MTUS2: variants seen among roughly 807,000 people sequenced by gnomAD.
MTUS2 encodes microtubule associated scaffold protein 2.
In MTUS2, 40 loss-of-function variants were observed where a neutral mutation model predicts 114.1. That is an observed-to-expected ratio of 0.35 (90% CI 0.27 to 0.46). The LOEUF is 0.46. Among genes scored for constraint, MTUS2 ranks in the 20% least tolerant of loss-of-function variants. The pLI, the probability that MTUS2 is intolerant of heterozygous loss-of-function variation, is 1.00. For missense variants in MTUS2, 1,679 were observed against 1,705.4 expected (o/e 0.98, Z 0.27); for synonymous variants, 688 against 672.0 (o/e 1.02, Z -0.37).
intron 2 of MTUS2, among the ~76,000 whole-genome samples, chr13:28,858,387 A>G (rs575862467): frequency 1.3e-3 from 192 of 152,314 alleles, no homozygotes; most frequent in Non-Finnish European, 9.4e-4. Flanking sequence ...ATAGCAATTA[A>G]TAGTTGGCTG....
intron 2 of MTUS2, among the ~76,000 whole-genome samples, chr13:28,852,167 G>A (rs1161469): frequency 0.64 from 97,848 of 151,904 alleles, 34,758 homozygotes; most frequent in Non-Finnish European, 0.78. Context: ...TCAAATGTCC[G>A]TCCTCAGAGG....
intron 8 of MTUS2, among the ~76,000 whole-genome samples, chr13:29,417,092 T>C (rs1875725592): frequency 6.6e-6 from 1 of 152,252 alleles, no homozygotes. Flanking sequence ...TGTGCAAGCA[T>C]GGCACCTGCA....
chr13:28,830,320 C>T (rs1341141360), intron 1 of MTUS2, among the ~76,000 whole-genome samples: 2 of 152,020 alleles, frequency 1.3e-5, no homozygotes, highest in Non-Finnish European at 2.9e-5. Context: ...AGTCCAGATA[C>T]TGGACTTAGT....
intron 9 of MTUS2, among the ~76,000 whole-genome samples, chr13:29,454,669 A>G (rs556968554): frequency 6.6e-6 from 1 of 152,218 alleles, no homozygotes; most frequent in Non-Finnish European, 1.5e-5. Context: ...GATCAATTTT[A>G]GAAAGCCAAA....
rs376762907 is a variant in MTUS2 at position 28,995,636 on chromosome 13, C to G, written c.-242-28821C>G. 1.3e-3 allele frequency among the ~76,000 whole-genome samples: 197 copies of G among 152,108 alleles called. No homozygotes were observed. In the East Asian group the frequency reaches 0.014, roughly 10 times the overall value. On this transcript the variant is annotated intron_variant, in intron 2 of 15. Coordinates refer to ENST00000612955, the MANE Select transcript of MTUS2 (RefSeq NM_001033602.4). The stretch of plus-strand genomic sequence containing the variant: ...TTCACATCCCTTGTAAGTTGGATTC[C>G]TAGGTATTTTATTCTCTTTGAAGCA...
At chr13:29,484,258 A>G (rs1023818022) in intron 10 of MTUS2, 1 of 152,294 alleles carries the variant, frequency 6.6e-6, no homozygotes, top group African/African-American at 2.4e-5. Context: ...GATTAATCCA[A>G]ATTCACAGAG....
intron 5 of MTUS2, among the ~76,000 whole-genome samples, chr13:29,168,910 G>T (rs1245840619): frequency 1.3e-5 from 2 of 151,858 alleles, no homozygotes; most frequent in African/African-American, 4.8e-5. Flanking sequence ...GTGTGTGTGT[G>T]TGTGTGTGAA....
rs539273465 is a variant in MTUS2, at chr13:29,204,118, C to A, written c.2645-77586C>A. Among the ~76,000 whole-genome samples the A allele has an allele frequency of 1.1e-4, 17 of 152,188 alleles. No homozygotes were observed. The South Asian group carries it at 3.5e-3, about 32-fold the overall frequency. On this transcript the variant is annotated intron_variant, in intron 5 of 15. Coordinates refer to ENST00000612955, the MANE Select transcript of MTUS2 (RefSeq NM_001033602.4). The stretch of plus-strand genomic sequence containing the variant: ...GGGACTACAGGTGCCCGCCACCACG[C>A]CTGGCTACTTTTTGTATTTTTAGTA...
At chr13:29,068,369 A>C (rs1252455006) in intron 4 of MTUS2, among the ~76,000 whole-genome samples, 2 of 152,058 alleles carry the variant, frequency 1.3e-5, no homozygotes, top group African/African-American at 4.8e-5. Context: ...TAAAAATCCA[A>C]GTTTCCTCCG....
intron 6 of MTUS2, among the ~76,000 whole-genome samples, chr13:29,321,149 CAGTGTACATA>C (rs141413431): frequency 0.054 from 8,219 of 152,186 alleles, 744 homozygotes; most frequent in African/African-American, 0.19. Context: ...ATGTGGTCAT[CAGTGTACATA>C]AGTTGGTGAT....
intron 2 of MTUS2, among the ~76,000 whole-genome samples, chr13:28,982,826 T>G (rs1311014674): frequency 6.6e-6 from 1 of 151,880 alleles, no homozygotes; most frequent in African/African-American, 2.4e-5. Context: ...GCACCTAGGG[T>G]GGTGAAATTC....
chr13:29,201,830 C>T (rs1351467936), intron 5 of MTUS2, among the ~76,000 whole-genome samples: 2 of 152,162 alleles, frequency 1.3e-5, no homozygotes, highest in South Asian at 4.1e-4. Context: ...TGAATATTGG[C>T]CCCCACTCTC....
chr13:28,860,347 A>G lies in MTUS2; in HGVS notation c.-243+20497A>G, dbSNP rs552866198. On this transcript the variant is annotated intron_variant, in intron 2 of 15. Transcript: ENST00000612955. ...AGGTTGTTTGACTTTCTTCCCCCTAAGAGGTTAGTATCTGAAGTGATGTGA... is the reference window on the plus strand; with the variant it reads ...AGGTTGTTTGACTTTCTTCCCCCTAGGAGGTTAGTATCTGAAGTGATGTGA... 2.6e-5 allele frequency among the ~76,000 whole-genome samples: 4 copies of G among 152,232 alleles called. 1 individual carries two copies. The South Asian group carries it at 8.3e-4, about 32-fold the overall frequency.
intron 6 of MTUS2, among the ~76,000 whole-genome samples, chr13:29,283,216 T>A (rs1898345554): frequency 6.6e-6 from 1 of 152,232 alleles, no homozygotes. Context: ...ACCACTAGAC[T>A]AGCTGGAACC....
chr13:28,921,332 C>A (rs1469251936), intron 2 of MTUS2, among the ~76,000 whole-genome samples: 1 of 152,180 alleles, frequency 6.6e-6, no homozygotes, highest in Non-Finnish European at 1.5e-5. Context: ...CTAGAAATGT[C>A]TGTTATGAGC....
At chr13:29,071,588 G>A (rs926691579) in intron 4 of MTUS2, among the ~76,000 whole-genome samples, 4 of 150,686 alleles carry the variant, frequency 2.7e-5, no homozygotes, top group East Asian at 3.9e-4. Flanking sequence ...CACCATGCCC[G>A]GCTAATTTTT....
At chr13:29,092,616 T>C (rs2138783977) in intron 4 of MTUS2, among the ~76,000 whole-genome samples, 1 of 152,152 alleles carries the variant, frequency 6.6e-6, no homozygotes, top group South Asian at 2.1e-4. Context: ...CTGGCCCAGT[T>C]GTAGGCTGAG....
chr13:28,847,834 A>G (rs564162776), intron 2 of MTUS2, among the ~76,000 whole-genome samples: 1 of 152,252 alleles, frequency 6.6e-6, no homozygotes, highest in South Asian at 2.1e-4. Flanking sequence ...TGGACCTCAC[A>G]TAGATGCAGC....
At chr13:29,272,698 A>G (rs1897922115) in intron 5 of MTUS2, among the ~76,000 whole-genome samples, 1 of 152,210 alleles carries the variant, frequency 6.6e-6, no homozygotes, top group Non-Finnish European at 1.5e-5. Flanking sequence ...TCCTCCCCAC[A>G]GTCCCAAAAA....
Sources: gnomAD v4.1 joint callset for allele counts (sites outside exome capture counted in the v4.1 genomes callset) on GRCh38, gnomAD v4.1.1 for gene constraint, MANE v1.5 for transcripts, NCBI Gene and HGNC (gene_info 2026-07-23, HGNC 2026-07-21) for gene names.